The following PRKG1 variants were observed in gnomAD, a reference collection of about 807,000 sequenced individuals.
PRKG1 encodes protein kinase cGMP-dependent 1.
In PRKG1, 35 loss-of-function variants were observed where a neutral mutation model predicts 88.1. The ratio of observed to expected loss-of-function variants is 0.40; its 90% CI spans 0.30 to 0.53. The LOEUF (loss-of-function observed/expected upper bound fraction) is 0.53, where lower values mean the gene tolerates loss of function less well. Ranked by LOEUF, PRKG1 falls within the 20% of genes least tolerant of loss-of-function variation. The pLI is 0.59. For missense variants in PRKG1, 540 were observed against 839.8 expected, an observed-to-expected ratio of 0.64 and a Z score of 4.41; for synonymous variants, 303 against 292.5, an observed-to-expected ratio of 1.04 and a Z score of -0.37.
chr10:51,269,239 G>A (rs996484047), intron 2 of PRKG1, among the ~76,000 whole-genome samples: 43 of 152,148 alleles, frequency 2.8e-4, no homozygotes, highest in African/African-American at 8.7e-4. Context: ...TGTTGGCATG[G>A]ATGTGGTAAA....
At chr10:51,600,952 A>T (rs1838580822) in intron 3 of PRKG1, among the ~76,000 whole-genome samples, 1 of 148,272 alleles carries the variant, frequency 6.7e-6, no homozygotes, top group Admixed American at 6.7e-5. Flanking sequence ...GAAGATGAAG[A>T]TGAAGAAGGA....
intron 3 of PRKG1, among the ~76,000 whole-genome samples, chr10:51,729,706 CAAAAAAA>C (rs34900286): frequency 8.3e-4 from 24 of 28,776 alleles, no homozygotes; most frequent in Admixed American, 2.5e-3. Flanking sequence ...GACTCCATCT[CAAAAAAA>C]AAAAAAAAAA....
intron 5 of PRKG1, among the ~76,000 whole-genome samples, chr10:51,982,794 CCAG>C (rs144357463): frequency 7.8e-4 from 119 of 151,906 alleles, no homozygotes; most frequent in African/African-American, 2.5e-3. Context: ...TTTATACATT[CCAG>C]CAGCAGCAGC....
At chr10:51,483,952 T>C (rs1840447006) in intron 3 of PRKG1, among the ~76,000 whole-genome samples, 1 of 152,186 alleles carries the variant, frequency 6.6e-6, no homozygotes, top group Non-Finnish European at 1.5e-5. Context: ...CTAAGCAAAT[T>C]CATAAGGCTT....
At chr10:51,342,238 A>G (rs957314354) in intron 2 of PRKG1, among the ~76,000 whole-genome samples, 2 of 152,160 alleles carry the variant, frequency 1.3e-5, no homozygotes, top group African/African-American at 4.8e-5. Flanking sequence ...GAGAAGGGGG[A>G]ATGAGTTTTT....
At position 51,532,270 on chromosome 10, in the gene PRKG1, C is replaced by G. The variant is rs1842037302; in HGVS notation, c.592+64434C>G. Among the ~76,000 whole-genome samples, 3 of 152,290 alleles carry G rather than the reference C, an allele frequency of 2.0e-5. No homozygotes were observed. In the South Asian group the frequency reaches 6.2e-4, roughly 32 times the overall value. ...TATAAAGTGCTAACAAGGCTTGAGA[C>G]ATAAAGATACTATTATTTCAGGTGA... On this transcript the variant is annotated intron_variant, in intron 3 of 17. Transcript: ENST00000373980.
At chr10:51,080,345 A>G (rs542851671) in intron 1 of PRKG1, among the ~76,000 whole-genome samples, 1 of 152,318 alleles carries the variant, frequency 6.6e-6, no homozygotes, top group South Asian at 2.1e-4. Flanking sequence ...AGCTCCTGCT[A>G]CTTGTTATCT....
At chr10:51,246,530 GCCAGGTAAGC>G (rs148127288) in intron 2 of PRKG1, among the ~76,000 whole-genome samples, 10,477 of 151,392 alleles carry the variant, frequency 0.069, 470 homozygotes, top group African/African-American at 0.12. Flanking sequence ...TGACAGTATG[GCCAGGTAAGC>G]CCAAAATGTT....
chr10:51,396,415 A>G (rs1837578581), intron 2 of PRKG1, among the ~76,000 whole-genome samples: 1 of 152,122 alleles, frequency 6.6e-6, no homozygotes, highest in Admixed American at 6.5e-5. Flanking sequence ...AAGAGAGAGA[A>G]AGGGATACAA....
intron 2 of PRKG1, among the ~76,000 whole-genome samples, chr10:51,465,965 A>G (rs1398932577): frequency 6.6e-6 from 1 of 152,224 alleles, no homozygotes; most frequent in African/African-American, 2.4e-5. Context: ...CCAATGAAAT[A>G]GGTGCTTTTA....
In PRKG1 at chr10:51,266,605, G is replaced by T. The variant is rs192386447; in HGVS notation, c.478+113275G>T. 1.9e-4 allele frequency among the ~76,000 whole-genome samples: 29 copies of T among 152,320 alleles called. No homozygotes were observed. In the East Asian group the frequency reaches 3.7e-3, roughly 19 times the overall value. Reference sequence around the variant, plus strand: ...CTGAAGTTTTTAAATTAAATAAGCAGCTTTTGCCTGTTTGGTTACAACAGA... The same window carrying T: ...CTGAAGTTTTTAAATTAAATAAGCATCTTTTGCCTGTTTGGTTACAACAGA... On this transcript the variant is annotated intron_variant, in intron 2 of 17. Coordinates refer to ENST00000373980, the MANE Select transcript of PRKG1 (RefSeq NM_006258.4).
At chr10:51,950,347 C>G (rs961254877) in intron 5 of PRKG1, among the ~76,000 whole-genome samples, 9 of 152,218 alleles carry the variant, frequency 5.9e-5, no homozygotes, top group African/African-American at 2.2e-4. Context: ...TACAGATCAC[C>G]AAGTACATAC....
chr10:51,809,012 C>T (rs1839381983), intron 4 of PRKG1, among the ~76,000 whole-genome samples: 1 of 152,026 alleles, frequency 6.6e-6, no homozygotes, highest in South Asian at 2.1e-4. Context: ...TGAATAAACA[C>T]GTAAGTTTGG....
At chr10:51,548,225 C>A (rs1230738943) in intron 3 of PRKG1, among the ~76,000 whole-genome samples, 1 of 136,332 alleles carries the variant, frequency 7.3e-6, no homozygotes. Context: ...TATTGCTGGC[C>A]TTTTTGACTC....
intron 5 of PRKG1, among the ~76,000 whole-genome samples, chr10:52,003,172 T>G (rs1844644537): frequency 6.6e-6 from 1 of 152,210 alleles, no homozygotes. Context: ...AGTGCTACTT[T>G]TAAGAGATAG....
rs537353225 is a variant in PRKG1, at chr10:51,829,249, T to C, written c.698+24559T>C. Among the ~76,000 whole-genome samples, 11 of 152,342 alleles carry C rather than the reference T, an allele frequency of 7.2e-5. No homozygotes were observed. In the South Asian group the frequency reaches 1.4e-3, roughly 20 times the overall value. On this transcript the variant is annotated intron_variant, in intron 4 of 17. Coordinates refer to ENST00000373980, the MANE Select transcript of PRKG1 (RefSeq NM_006258.4). The stretch of plus-strand genomic sequence containing the variant: ...AGAATGACCAAGATGGAATTCCATG[T>C]CTTCTTATGCTTTCATTTTAAAAGT...
At chr10:51,457,863 C>T (rs1839630957) in intron 2 of PRKG1, among the ~76,000 whole-genome samples, 1 of 152,088 alleles carries the variant, frequency 6.6e-6, no homozygotes, top group Non-Finnish European at 1.5e-5. Flanking sequence ...TTATTTTGTC[C>T]TCAATGGTGC....
intron 3 of PRKG1, among the ~76,000 whole-genome samples, chr10:51,513,068 T>G (rs902983339): frequency 2.6e-5 from 4 of 151,710 alleles, no homozygotes; most frequent in African/African-American, 9.7e-5. Context: ...TAAATTTGTT[T>G]GAGTTCATTG....
At chr10:51,631,726 C>A (rs532441293) in intron 3 of PRKG1, among the ~76,000 whole-genome samples, 1 of 152,178 alleles carries the variant, frequency 6.6e-6, no homozygotes, top group African/African-American at 2.4e-5. Flanking sequence ...CAATAGCGTT[C>A]GCGCTCCTGT....
Sources: gnomAD v4.1 joint callset for allele counts (sites outside exome capture counted in the v4.1 genomes callset) on GRCh38, gnomAD v4.1.1 for gene constraint, MANE v1.5 for transcripts, NCBI Gene and HGNC (gene_info 2026-07-23, HGNC 2026-07-21) for gene names.